LIMS2: variants seen among roughly 807,000 people sequenced by gnomAD.
LIMS2 encodes LIM and senescent cell antigen-like-containing domain protein 2.
Under a neutral mutation model 45.3 loss-of-function variants are expected in LIMS2, and 30 were observed. The observed-to-expected ratio is 0.66, with a 90% CI of 0.50 to 0.90. The LOEUF (loss-of-function observed/expected upper bound fraction) is 0.90, where lower values mean the gene tolerates loss of function less well. Among genes scored for constraint, LIMS2 ranks in the 40% least tolerant of loss-of-function variants. LIMS2 has a pLI of 0.00. For missense variants in LIMS2, 485 were observed against 468.7 expected (o/e 1.03, Z -0.32); for synonymous variants, 173 against 188.0 (o/e 0.92, Z 0.65).
chr2:127,681,476 C>G (rs560531082), exon 1 of LIMS2: 1 of 152,754 alleles, frequency 6.5e-6, no homozygotes, highest in South Asian at 2.1e-4. Context: ...CACGGGGCAC[C>G]CAGGCACGGC....
intron 1 of LIMS2, among the ~76,000 whole-genome samples, chr2:127,660,585 A>G (rs1684567290): frequency 6.6e-6 from 1 of 152,208 alleles, no homozygotes; most frequent in South Asian, 2.1e-4. Flanking sequence ...GTAAGACCAC[A>G]ACCCCACCGG....
At position 127,681,521 on chromosome 2, in the gene LIMS2, G is replaced by A. The variant is rs2105355327; in HGVS notation, c.-206C>T. The stretch of plus-strand genomic sequence containing the variant: ...TCTCCCTGGGCAGGAGGCTTGGCCA[G>A]AGGTCCTTAGCTGGAGGCAGAGGCC... On this transcript the variant is annotated 5_prime_UTR_variant, in exon 1 of 10. Transcript: ENST00000410011. The A allele has an allele frequency of 1.3e-5, 2 of 152,706 alleles. 1 individual carries two copies. The highest frequency in any genetic ancestry group is 4.1e-4 in the South Asian group (2 of 4,830). The allele number at this position is 152,706 out of a possible 1,614,324, so 9.5% of individuals were successfully genotyped here.
chr2:127,676,658 T>C (rs753471229), upstream of LIMS2, among the ~76,000 whole-genome samples: 29 of 152,230 alleles, frequency 1.9e-4, no homozygotes, highest in Middle Eastern at 6.8e-3. Context: ...GATCCGACTG[T>C]CTCGAGTTAT....
In LIMS2 at chr2:127,664,130, C is replaced by T. The variant is rs1452571536; in HGVS notation, c.12-6568G>A. On this transcript the variant is annotated intron_variant, in intron 1 of 9. Transcript: ENST00000355119. The surrounding 1 kb of genome is among the most constrained non-coding windows in gnomAD (Gnocchi z 5.5). ...AGAGCTGATCACAGGTGACATCCAA[C>T]CCTGTTAGATAAAGTCGCACGCGCC... Among the ~76,000 whole-genome samples the T allele has an allele frequency of 1.3e-5, 2 of 152,156 alleles. No individual in the cohort carries two copies. The highest frequency in any genetic ancestry group is 2.9e-5 in the Non-Finnish European group (2 of 68,004).
Position 127,664,521 on chromosome 2 carries a change from G to A in LIMS2, c.12-6959C>T, listed in dbSNP as rs1684893372. ...GGACGGGCGTGTGGGCGCCTCCCCC[G>A]CGCTGGTCGCGAGCTCACGTTACGC... On this transcript the variant is annotated intron_variant, in intron 1 of 9. Coordinates refer to ENST00000355119, the MANE Select transcript of LIMS2 (RefSeq NM_001161403.3). This position sits in a 1 kb window ranked among gnomAD's most constrained non-coding sequence, Gnocchi z 5.5. The A allele has an allele frequency of 3.5e-6, 4 of 1,152,776 alleles. No homozygotes were observed. Among genetic ancestry groups the A allele is most frequent in the Non-Finnish European group, 4.3e-6 (4 of 937,742 alleles). 71.4% of individuals were successfully genotyped at this position (1,152,776 alleles called of 1,614,324 possible).
Position 127,639,326 on chromosome 2 carries a change from G to T in LIMS2, c.981C>A (p.Thr327=), listed in dbSNP as rs200516988. The T allele has an allele frequency of 6.8e-6, 11 of 1,613,900 alleles. No homozygotes were observed. The East Asian group carries it at 2.5e-4, about 36-fold the overall frequency. ...TGGCCTTGGGCTGGGCCTTGCGGGA[G>T]GTCAGCTCCGACAGCTTCTTCAGCC... ...KKRLKKLSEL[T]SRKAQPKATD... The change falls in exon 10 of 10, where the codon ACC becomes ACA. Residue 327 remains threonine (T), a synonymous_variant. Transcript: ENST00000355119.
chr2:127,645,183 A>G (rs1036117007), intron 4 of LIMS2, among the ~76,000 whole-genome samples: 42 of 152,150 alleles, frequency 2.8e-4, no homozygotes, highest in Non-Finnish European at 5.9e-5. Flanking sequence ...CATTTGCCTG[A>G]GCCTCAGTTT....
At position 127,672,081 on chromosome 2, in the gene LIMS2, C is replaced by T. The variant is rs1372062080; in HGVS notation, c.11+2933G>A. On this transcript the variant is annotated intron_variant, in intron 1 of 9. Transcript: ENST00000355119. The surrounding 1 kb of genome is among the most constrained non-coding windows in gnomAD (Gnocchi z 4.9). ...AGGCATACGACAGCCTCACATGTGA[C>T]ACACATGACGGTCACACCATGGGTG... 1.3e-5 allele frequency among the ~76,000 whole-genome samples: 2 copies of T among 152,328 alleles called. No individual in the cohort carries two copies. Among genetic ancestry groups the T allele is most frequent in the Middle Eastern group, 3.4e-3 (1 of 294 alleles).
rs1311926009 is a variant in LIMS2 at position 127,671,303 on chromosome 2, T to C, written c.11+3711A>G. Among the ~76,000 whole-genome samples the C allele has an allele frequency of 8.6e-5, 13 of 152,022 alleles. No homozygotes were observed. The highest frequency in any genetic ancestry group is 8.5e-4 in the Admixed American group (13 of 15,264). On this transcript the variant is annotated intron_variant, in intron 1 of 9. Transcript: ENST00000355119. The surrounding 1 kb of genome is among the most constrained non-coding windows in gnomAD (Gnocchi z 4.1). ...AAAAAATTAGCCGGTTGTGGTGGTATGCACCTGTAGTCCCAGCTACTTGGG... is the reference window on the plus strand; with the variant it reads ...AAAAAATTAGCCGGTTGTGGTGGTACGCACCTGTAGTCCCAGCTACTTGGG...
At chr2:127,665,550 G>A (rs1684954823) in intron 1 of LIMS2, among the ~76,000 whole-genome samples, 1 of 152,240 alleles carries the variant, frequency 6.6e-6, no homozygotes, top group Non-Finnish European at 1.5e-5. Flanking sequence ...ACACTGATCA[G>A]TTCAACAAAT....
intron 4 of LIMS2, chr2:127,652,108 G>C (rs1032178196): frequency 6.6e-6 from 2 of 301,654 alleles, no homozygotes; most frequent in Non-Finnish European, 1.3e-5. Context: ...GCTCATCGGC[G>C]AGGCTCAGCA....
rs748833702 is a variant in LIMS2 at position 127,640,265 on chromosome 2, C to T, written c.802+5G>A. On this transcript the variant is annotated splice_donor_5th_base_variant and intron_variant, in intron 8 of 9. Coordinates refer to ENST00000355119, the MANE Select transcript of LIMS2 (RefSeq NM_001161403.3). ...TGGGGTGGGGGAGGGAACACAGGGC[C>T]TCACCATCGCCTTCAATCACATGGC... The T allele has an allele frequency of 1.2e-6, 2 of 1,613,328 alleles. No individual in the cohort carries two copies. The highest frequency in any genetic ancestry group is 2.2e-5 in the South Asian group (2 of 91,070).
intron 1 of LIMS2, among the ~76,000 whole-genome samples, chr2:127,660,368 A>G (rs1481779329): frequency 6.6e-6 from 1 of 152,184 alleles, no homozygotes; most frequent in East Asian, 1.9e-4. Flanking sequence ...TCTTTGTAGT[A>G]GCTTTTGCTG....
chr2:127,648,096 A>G, intron 4 of LIMS2: 1 of 985,538 alleles, frequency 1.0e-6, no homozygotes, highest in East Asian at 1.1e-4. Context: ...TCCTAGGGAA[A>G]GTGCCAGCCG....
intron 4 of LIMS2, chr2:127,651,925 C>A: frequency 1.5e-6 from 1 of 668,392 alleles, no homozygotes; most frequent in Non-Finnish European, 2.6e-6. Flanking sequence ...GAAGAACTGA[C>A]AAAGGGGATC....
exon 1 of LIMS2, chr2:127,681,427 A>C (rs1421382742): frequency 6.6e-6 from 1 of 152,304 alleles, no homozygotes. Flanking sequence ...TGGCACAGCC[A>C]CGTGCAAGAC....
chr2:127,639,866 G>A (rs1573746755), intron 9 of LIMS2, among the ~76,000 whole-genome samples: 1 of 151,802 alleles, frequency 6.6e-6, no homozygotes, highest in Non-Finnish European at 1.5e-5. Flanking sequence ...TCCTCTCACT[G>A]TGCCTGGGGT....
At chr2:127,661,234 C>T (rs547817217) in intron 1 of LIMS2, among the ~76,000 whole-genome samples, 2 of 152,336 alleles carry the variant, frequency 1.3e-5, no homozygotes, top group South Asian at 2.1e-4. Context: ...GAGAGATGCT[C>T]GCTTCTGTAG....
intron 1 of LIMS2, among the ~76,000 whole-genome samples, chr2:127,673,283 C>T (rs1229642853): frequency 6.6e-6 from 1 of 152,180 alleles, no homozygotes; most frequent in Non-Finnish European, 1.5e-5. Flanking sequence ...CAGTTTCCTT[C>T]TCTTTATGTT....
Sources: allele counts gnomAD v4.1 joint callset (sites outside exome capture counted in the v4.1 genomes callset), GRCh38; gene constraint gnomAD v4.1.1; non-coding constraint Gnocchi (gnomAD v3.1); transcripts MANE v1.5; gene names NCBI Gene and HGNC (gene_info 2026-07-23, HGNC 2026-07-21).